The following TBL1XR1 variants were observed in gnomAD, a reference collection of about 807,000 sequenced individuals.
TBL1XR1 encodes the protein TBL1X/Y related 1.
A neutral mutation model predicts 66.9 loss-of-function variants in TBL1XR1; 5 were observed. The ratio of observed to expected loss-of-function variants is 0.07; its 90% CI spans 0.04 to 0.16. The LOEUF (loss-of-function observed/expected upper bound fraction) is 0.16, where lower values mean the gene tolerates loss of function less well. Ranked by LOEUF, TBL1XR1 falls within the 10% of genes least tolerant of loss-of-function variation. The pLI is 1.00. For synonymous variants in TBL1XR1, 210 were observed against 206.0 expected (o/e 1.02, Z -0.17); for missense variants, 238 against 623.2 (o/e 0.38, Z 6.58).
Position 177,026,514 on chromosome 3 carries a change from A to G in TBL1XR1, c.1417-40T>C, listed in dbSNP as rs904665206. The G allele has an allele frequency of 2.9e-6, 4 of 1,391,886 alleles. No individual in the cohort carries two copies. In the African/African-American group the frequency reaches 4.5e-5, roughly 16 times the overall value. 86.2% of individuals were successfully genotyped at this position (1,391,886 alleles called of 1,614,324 possible). A position where few individuals can be genotyped will look rare whatever the true frequency, so the allele number is the denominator to read the frequency against. On this transcript the variant is annotated intron_variant, in intron 14 of 15. Coordinates refer to ENST00000457928, the MANE Select transcript of TBL1XR1 (RefSeq NM_024665.7). ...AACAAAATCTTAAAAATCGTAATAC[A>G]TATTATAATAAATCCAAATGCTGAA... is the stretch of plus-strand genomic sequence containing the variant.
chr3:177,078,613 T>G (rs1447422613), intron 2 of TBL1XR1: 1 of 151,088 alleles, frequency 6.6e-6, no homozygotes, highest in African/African-American at 2.4e-5. Context: ...AAAGTATAAT[T>G]CAAGCAGTAT....
At chr3:177,097,217 C>A (rs1172781685) in intron 2 of TBL1XR1, among the ~76,000 whole-genome samples, 1 of 152,110 alleles carries the variant, frequency 6.6e-6, no homozygotes, top group Admixed American at 6.5e-5. Flanking sequence ...AGTTTTTATG[C>A]CTCCCTAATT....
At chr3:177,085,992 G>A (rs985921279) in intron 2 of TBL1XR1, among the ~76,000 whole-genome samples, 2 of 152,088 alleles carry the variant, frequency 1.3e-5, no homozygotes, top group Non-Finnish European at 2.9e-5. Flanking sequence ...CTAAACATTA[G>A]TTCTTCATTT....
At position 177,189,496 on chromosome 3, in the gene TBL1XR1, T is replaced by A. The variant is rs577773227; in HGVS notation, c.-122+7625A>T. Among the ~76,000 whole-genome samples the A allele has an allele frequency of 2.7e-5, 4 of 150,930 alleles. No homozygotes were observed. In the South Asian group the frequency reaches 8.4e-4, roughly 32 times the overall value. On this transcript the variant is annotated intron_variant, in intron 1 of 15. Coordinates refer to ENST00000457928, the MANE Select transcript of TBL1XR1 (RefSeq NM_024665.7). ...GGTGAAACCCCATCTCTACTAAAAT[T>A]ACAAAAAAATTAGCCAGGCGTGGTG...
chr3:177,083,997 AGAATCATTT>A (rs1273293957), intron 2 of TBL1XR1, among the ~76,000 whole-genome samples: 1 of 151,028 alleles, frequency 6.6e-6, no homozygotes, highest in Non-Finnish European at 1.5e-5. Flanking sequence ...CTGAGGCAGG[AGAATCATTT>A]GAACCCAGGA....
chr3:177,189,284 G>A (rs528392549), intron 1 of TBL1XR1, among the ~76,000 whole-genome samples: 8 of 134,230 alleles, frequency 6.0e-5, no homozygotes, highest in East Asian at 4.7e-4. Flanking sequence ...CTGGGAAGCC[G>A]AGGTGGGCAG....
chr3:177,025,848 T>C, intron 15 of TBL1XR1: 1 of 351,050 alleles, frequency 2.8e-6, no homozygotes, highest in South Asian at 3.6e-5. Context: ...ATATCACAGA[T>C]TATATTCAGC....
chr3:177,163,305 G>A (rs555768933), intron 1 of TBL1XR1, among the ~76,000 whole-genome samples: 31 of 152,160 alleles, frequency 2.0e-4, no homozygotes, highest in Non-Finnish European at 3.4e-4. Flanking sequence ...TCAGGAGTTC[G>A]AGACCAGCCC....
chr3:177,174,850 TC>T (rs1286400793), intron 1 of TBL1XR1, among the ~76,000 whole-genome samples: 1 of 152,170 alleles, frequency 6.6e-6, no homozygotes, highest in East Asian at 1.9e-4. Context: ...ATCCTGCCGT[TC>T]CGTTTAAAAT....
chr3:177,092,156 T>G (rs1251296241), intron 2 of TBL1XR1, among the ~76,000 whole-genome samples: 1 of 152,204 alleles, frequency 6.6e-6, no homozygotes, highest in Non-Finnish European at 1.5e-5. Context: ...GAGTATTTCC[T>G]TTGAGTGTCG....
chr3:177,099,947 A>T (rs989857101), intron 1 of TBL1XR1, among the ~76,000 whole-genome samples: 4 of 152,222 alleles, frequency 2.6e-5, no homozygotes, highest in Non-Finnish European at 5.9e-5. Flanking sequence ...TGTATTTTAA[A>T]ACACATACAA....
intron 1 of TBL1XR1, among the ~76,000 whole-genome samples, chr3:177,138,520 G>C (rs1486471420): frequency 6.6e-6 from 1 of 152,008 alleles, no homozygotes; most frequent in African/African-American, 2.4e-5. Flanking sequence ...TGAGCCTCGA[G>C]GTTGAGGCTG....
chr3:177,078,246 A>G (rs947027368), intron 2 of TBL1XR1, among the ~76,000 whole-genome samples: 1 of 152,198 alleles, frequency 6.6e-6, no homozygotes, highest in African/African-American at 2.4e-5. Flanking sequence ...TTATTCAAAT[A>G]TATTTTTAAA....
intron 1 of TBL1XR1, among the ~76,000 whole-genome samples, chr3:177,169,246 T>G (rs189855860): frequency 1.1e-3 from 165 of 152,340 alleles, no homozygotes; most frequent in Non-Finnish European, 1.1e-3. Flanking sequence ...AAATCTAGAA[T>G]TTATACCTTT....
chr3:177,076,968 A>G (rs1262784376), intron 2 of TBL1XR1, among the ~76,000 whole-genome samples: 1 of 152,236 alleles, frequency 6.6e-6, no homozygotes, highest in African/African-American at 2.4e-5. Context: ...AGACATTACA[A>G]GTGTCTGCCA....
intron 3 of TBL1XR1, among the ~76,000 whole-genome samples, chr3:177,058,602 T>G (rs1008594159): frequency 2.6e-5 from 4 of 152,260 alleles, no homozygotes; most frequent in Non-Finnish European, 2.9e-5. Context: ...TTTTGCCATG[T>G]ACAATGTGTG....
intron 15 of TBL1XR1, chr3:177,025,882 C>A (rs1240012764): frequency 3.4e-6 from 1 of 295,030 alleles, no homozygotes; most frequent in Non-Finnish European, 6.3e-6. Context: ...AATAGCTACC[C>A]TTTTCCCACC....
chr3:177,039,983 A>G (rs1442491926), intron 10 of TBL1XR1, among the ~76,000 whole-genome samples: 2 of 152,200 alleles, frequency 1.3e-5, no homozygotes, highest in African/African-American at 2.4e-5. Flanking sequence ...TCCTTTAGTG[A>G]AAGTTTGTCA....
intron 1 of TBL1XR1, among the ~76,000 whole-genome samples, chr3:177,168,059 T>C (rs1279440362): frequency 6.6e-6 from 1 of 152,206 alleles, no homozygotes; most frequent in Non-Finnish European, 1.5e-5. Context: ...TTTCAGCATC[T>C]TTTCAGTTAA....
Sources: allele counts gnomAD v4.1 joint callset (sites outside exome capture counted in the v4.1 genomes callset), GRCh38; gene constraint gnomAD v4.1.1; transcripts MANE v1.5; gene names NCBI Gene and HGNC (gene_info 2026-07-23, HGNC 2026-07-21).